RNF138: variants seen among roughly 807,000 people sequenced by gnomAD.
The protein encoded by RNF138 is E3 ubiquitin-protein ligase RNF138.
A neutral mutation model predicts 31.0 loss-of-function variants in RNF138; 12 were observed. That is an observed-to-expected ratio of 0.39 (90% CI 0.25 to 0.63). The LOEUF (loss-of-function observed/expected upper bound fraction) is 0.63, where lower values mean the gene tolerates loss of function less well. Among genes scored for constraint, RNF138 ranks in the 20% least tolerant of loss-of-function variants. The pLI is 0.52. For synonymous variants in RNF138, 105 were observed against 99.5 expected (o/e 1.06, Z -0.33); for missense variants, 192 against 300.1 (o/e 0.64, Z 2.66).
chr18:32,123,664 T>G (rs2040340742), intron 5 of RNF138, 90 bp downstream of exon 5: 10 of 954,154 alleles, frequency 1.0e-5, no homozygotes, highest in Non-Finnish European at 1.5e-5. Flanking sequence ...TTTTTTTTTT[T>G]TTTTTGAGAC....
chr18:32,120,500 A>G, intron 4 of RNF138, among the ~76,000 whole-genome samples: 1 of 152,170 alleles, frequency 6.6e-6, no homozygotes, highest in East Asian at 1.9e-4. Flanking sequence ...TTTATTATGG[A>G]GATTGAATTT....
intron 2 of RNF138, among the ~76,000 whole-genome samples, chr18:32,098,110 C>T (rs929740196): frequency 2.0e-5 from 3 of 151,966 alleles, no homozygotes; most frequent in Non-Finnish European, 2.9e-5. Flanking sequence ...CCTCAGCCTC[C>T]CAAGTAGTTG....
chr18:32,124,705 A>C (rs2040358341), intron 5 of RNF138, 29 bp from the exon 6 acceptor site: 1 of 1,042,094 alleles, frequency 9.6e-7, no homozygotes, highest in Non-Finnish European at 1.5e-6. Flanking sequence ...TTCTGAATTA[A>C]GTATGTTTCA....
chr18:32,112,645 G>C (rs901407774), intron 3 of RNF138, among the ~76,000 whole-genome samples: 1 of 152,122 alleles, frequency 6.6e-6, no homozygotes, highest in African/African-American at 2.4e-5. Flanking sequence ...TTGCGCCATT[G>C]CACTCCAAAC....
intron 2 of RNF138, among the ~76,000 whole-genome samples, chr18:32,106,617 T>C (rs960015674): frequency 6.6e-6 from 1 of 152,106 alleles, no homozygotes; most frequent in Non-Finnish European, 1.5e-5. Context: ...CAGGCTTGAG[T>C]GCAGTTGTGC....
Position 32,102,097 on chromosome 18 carries a change from G to T in RNF138, c.110+9211G>T, listed in dbSNP as rs116377431. Among the ~76,000 whole-genome samples, 578 of 148,308 alleles carry T rather than the reference G, an allele frequency of 3.9e-3. 2 individuals are homozygous for T. Among genetic ancestry groups the T allele is most frequent in the African/African-American group, 0.014 (559 of 40,068 alleles). On this transcript the variant is annotated intron_variant, in intron 2 of 7. Coordinates refer to ENST00000261593, the MANE Select transcript of RNF138 (RefSeq NM_016271.5). ...GAGGTCTCGCTGTGTTACCCAGAAT[G>T]GCCTCAAACTCCTGGACTCAAGTGA...
rs1262597481 is a variant in RNF138, at chr18:32,120,299, CAT to C, written c.393-3213_393-3212del. Among the ~76,000 whole-genome samples, 18 of 152,230 alleles carry C rather than the reference CAT, an allele frequency of 1.2e-4. No individual in the cohort carries two copies. The East Asian group carries it at 3.5e-3, about 29-fold the overall frequency. On this transcript the variant is annotated intron_variant, in intron 4 of 7. Transcript: ENST00000261593. ...TCAGAATCATGTATGAAATTAAAAA[CAT>C]ATATACATCTGGCTAGAGTTCCAGA...
intron 2 of RNF138, among the ~76,000 whole-genome samples, chr18:32,109,153 C>G (rs1438688922): frequency 2.2e-5 from 3 of 138,860 alleles, no homozygotes; most frequent in Non-Finnish European, 3.2e-5. Context: ...TTGTCTTTTT[C>G]TTTCTTTTTT....
intron 7 of RNF138, among the ~76,000 whole-genome samples, chr18:32,127,102 C>T (rs1205963302): frequency 2.0e-5 from 3 of 152,058 alleles, no homozygotes; most frequent in Non-Finnish European, 4.4e-5. Flanking sequence ...AAAATTGTAC[C>T]TACAAGAGAA....
At chr18:32,118,072 T>C (rs2040245337) in intron 4 of RNF138, among the ~76,000 whole-genome samples, 1 of 152,186 alleles carries the variant, frequency 6.6e-6, no homozygotes, top group Non-Finnish European at 1.5e-5. Context: ...CAAATACAGC[T>C]CTTCACAAAA....
Position 32,121,740 on chromosome 18 carries a change from T to A in RNF138, c.393-1778T>A, listed in dbSNP as rs551800186. 3.9e-5 allele frequency among the ~76,000 whole-genome samples: 6 copies of A among 152,360 alleles called. No individual in the cohort carries two copies. In the South Asian group the frequency reaches 1.0e-3, roughly 26 times the overall value. ...TTTTTCTTTAATTGGTGACACATGC[T>A]GTTTTTGGTAACAAAATCATGTAAC... On this transcript the variant is annotated intron_variant, in intron 4 of 7. Transcript: ENST00000261593.
rs188891731 is a variant in RNF138, at chr18:32,104,052, C to T, written c.111-7702C>T. On this transcript the variant is annotated intron_variant, in intron 2 of 7. Transcript: ENST00000261593. The stretch of plus-strand genomic sequence containing the variant: ...TTTTGGAGGCAGAGTCTAGTTCTGT[C>T]GCCCATGCCAGAGTGCAGTGGCCTG... Among the ~76,000 whole-genome samples the T allele has an allele frequency of 9.8e-3, 1,396 of 142,484 alleles. 23 individuals carry two copies. Among genetic ancestry groups the T allele is most frequent in the African/African-American group, 0.034 (1,304 of 38,120 alleles). The allele number at this position is 142,484 out of a possible 152,430, so 93.5% of individuals were successfully genotyped here. A position where few individuals can be genotyped will look rare whatever the true frequency, so the allele number is the denominator to read the frequency against.
chr18:32,093,298 G>T (rs924961341), intron 2 of RNF138, among the ~76,000 whole-genome samples: 1 of 152,034 alleles, frequency 6.6e-6, no homozygotes, highest in African/African-American at 2.4e-5. Context: ...GAAGGCTGGG[G>T]TGTCGAGTGT....
intron 2 of RNF138, among the ~76,000 whole-genome samples, chr18:32,108,507 C>G (rs1299266140): frequency 6.6e-6 from 1 of 152,114 alleles, no homozygotes; most frequent in Non-Finnish European, 1.5e-5. Context: ...CATTTTCATT[C>G]TCAATACATC....
intron 2 of RNF138, among the ~76,000 whole-genome samples, chr18:32,098,969 A>AATAG (rs961348552): frequency 6.6e-6 from 1 of 151,696 alleles, no homozygotes; most frequent in Non-Finnish European, 1.5e-5. Flanking sequence ...CGACTCGGAA[A>AATAG]ATAGATAGAC....
At chr18:32,109,323 G>C (rs61018724) in intron 2 of RNF138, 1 of 152,174 alleles carries the variant, frequency 6.6e-6, no homozygotes, top group Non-Finnish European at 1.5e-5. Flanking sequence ...CAGGCTAGTA[G>C]AGATGGGGTT....
At chr18:32,125,495 G>A (rs1050096330) in intron 6 of RNF138, among the ~76,000 whole-genome samples, 1 of 152,144 alleles carries the variant, frequency 6.6e-6, no homozygotes, top group Admixed American at 6.6e-5. Flanking sequence ...AACTGAGCTG[G>A]GAGAGAGATT....
In RNF138 at chr18:32,131,127, T is replaced by C. The variant is rs916718743; in HGVS notation, c.*1940T>C. The C allele has an allele frequency of 3.3e-5, 5 of 152,414 alleles. No homozygotes were observed. Among genetic ancestry groups the C allele is most frequent in the African/African-American group, 9.7e-5 (4 of 41,438 alleles). The allele number at this position is 152,414 out of a possible 1,614,324, so 9.4% of individuals were successfully genotyped here. A position where few individuals can be genotyped will look rare whatever the true frequency, so the allele number is the denominator to read the frequency against. On this transcript the variant is annotated 3_prime_UTR_variant, in exon 8 of 8. Coordinates refer to ENST00000261593, the MANE Select transcript of RNF138 (RefSeq NM_016271.5). ...CCATTCTGGGATTTGGGAACTTCTT[T>C]AAAGGAAAATTGTAGTAGAGGTCAT...
chr18:32,102,199 T>TTC (rs2039954148), intron 2 of RNF138, among the ~76,000 whole-genome samples: 1 of 128,960 alleles, frequency 7.8e-6, no homozygotes, highest in African/African-American at 3.1e-5. Flanking sequence ...TAGTTTCTTT[T>TTC]TTTTTTTTTT....
Sources: allele counts gnomAD v4.1 joint callset (sites outside exome capture counted in the v4.1 genomes callset), GRCh38; gene constraint gnomAD v4.1.1; transcripts MANE v1.5; gene names NCBI Gene and HGNC (gene_info 2026-07-23, HGNC 2026-07-21).